Variants in DOCK2 observed in about 807,000 individuals in gnomAD.
DOCK2 encodes the protein dedicator of cytokinesis protein 2.
Under a neutral mutation model 248.9 loss-of-function variants are expected in DOCK2, and 87 were observed. That is an observed-to-expected ratio of 0.35 (90% CI 0.29 to 0.42). The LOEUF is 0.42. Among genes scored for constraint, DOCK2 ranks in the 10% least tolerant of loss-of-function variants. DOCK2 has a pLI of 1.00. For synonymous variants in DOCK2, 805 were observed against 821.6 expected (o/e 0.98, Z 0.35); for missense variants, 1,747 against 2,300.2 (o/e 0.76, Z 4.92).
intron 34 of DOCK2, among the ~76,000 whole-genome samples, chr5:170,028,825 A>T (rs1296013116): frequency 6.6e-6 from 1 of 151,236 alleles, no homozygotes; most frequent in East Asian, 1.9e-4. Context: ...GGCCACCATT[A>T]CTCTGCATTT....
intron 13 of DOCK2, chr5:169,702,080 C>A: frequency 2.6e-6 from 1 of 383,158 alleles, no homozygotes; most frequent in Non-Finnish European, 4.7e-6. Context: ...AGTGTCCCTA[C>A]TTCCCTTTTT....
intron 2 of DOCK2, among the ~76,000 whole-genome samples, chr5:169,661,478 TCTAATCATTTAGCAGAAAG>T (rs1404815935): frequency 6.6e-6 from 1 of 152,180 alleles, no homozygotes; most frequent in Non-Finnish European, 1.5e-5. Flanking sequence ...GCAGCTAAAA[TCTAATCATTTAGCAGAAAG>T]CTCAAATACA....
chr5:169,686,328 G>A (rs567000839), intron 8 of DOCK2, among the ~76,000 whole-genome samples: 140 of 152,338 alleles, frequency 9.2e-4, no homozygotes, highest in Middle Eastern at 3.4e-3. Context: ...TGGATGGCTG[G>A]ACCAGCTCTG....
Position 169,692,054 on chromosome 5 carries a change from C to T in DOCK2, c.843+2721C>T, listed in dbSNP as rs376564094. Among the ~76,000 whole-genome samples the T allele has an allele frequency of 7.0e-4, 106 of 152,062 alleles. 1 individual carries two copies. The highest frequency in any genetic ancestry group is 2.6e-3 in the African/African-American group (106 of 41,482). Reference sequence around the variant, plus strand: ...GTATTTTAGTATAGACGGGGTTTCACCATGTTGGCCAGGATGGTCTTGATC... The same window carrying T: ...GTATTTTAGTATAGACGGGGTTTCATCATGTTGGCCAGGATGGTCTTGATC... On this transcript the variant is annotated intron_variant, in intron 9 of 51. Coordinates refer to ENST00000520908, the MANE Select transcript of DOCK2 (RefSeq NM_004946.3).
At chr5:169,833,820 C>CAA (rs1260615349) in intron 26 of DOCK2, among the ~76,000 whole-genome samples, 1 of 152,214 alleles carries the variant, frequency 6.6e-6, no homozygotes, top group African/African-American at 2.4e-5. Flanking sequence ...AGGGATCAGA[C>CAA]AATTCTTATT....
At chr5:169,684,874 C>A (rs1034694011) in intron 8 of DOCK2, among the ~76,000 whole-genome samples, 18 of 152,186 alleles carry the variant, frequency 1.2e-4, no homozygotes, top group African/African-American at 3.9e-4. Context: ...GTGTCGAACT[C>A]TTGGCTTCGA....
At chr5:170,079,297 G>A in intron 49 of DOCK2, 151 bp downstream of exon 49, 1 of 1,100,754 alleles carries the variant, frequency 9.1e-7, no homozygotes, top group Non-Finnish European at 1.3e-6. Flanking sequence ...GAGGAGCTGA[G>A]AGGTGAAGTG....
chr5:170,049,160 G>C (rs573156113), intron 40 of DOCK2, among the ~76,000 whole-genome samples: 3 of 152,214 alleles, frequency 2.0e-5, no homozygotes, highest in Non-Finnish European at 4.4e-5. Context: ...TGTCGCCCAG[G>C]CTGGAGTGCA....
intron 2 of DOCK2, among the ~76,000 whole-genome samples, chr5:169,667,509 G>A (rs754810074): frequency 6.6e-6 from 1 of 152,216 alleles, no homozygotes; most frequent in African/African-American, 2.4e-5. Context: ...GTGAAAGACA[G>A]GTAATAATAA....
At chr5:169,819,358 C>T (rs182434307) in intron 26 of DOCK2, among the ~76,000 whole-genome samples, 1 of 152,246 alleles carries the variant, frequency 6.6e-6, no homozygotes, top group African/African-American at 2.4e-5. Context: ...GAGTGGCTCA[C>T]GCCTTTAATA....
intron 10 of DOCK2, among the ~76,000 whole-genome samples, chr5:169,696,609 A>G (rs189191901): frequency 1.3e-5 from 2 of 152,332 alleles, no homozygotes; most frequent in Admixed American, 6.5e-5. Flanking sequence ...TCCTGTGAAA[A>G]TGGCAATTTG....
At chr5:169,929,034 A>G (rs1775615493) in intron 27 of DOCK2, among the ~76,000 whole-genome samples, 1 of 152,192 alleles carries the variant, frequency 6.6e-6, no homozygotes, top group Admixed American at 6.5e-5. Context: ...CCCTGAGAAG[A>G]GCAGATGGAA....
At position 170,056,769 on chromosome 5, in the gene DOCK2, G is replaced by C; in HGVS notation, c.4380+1G>C. The C allele has an allele frequency of 6.2e-7, 1 of 1,613,324 alleles. No individual in the cohort carries two copies. Among genetic ancestry groups the C allele is most frequent in the Non-Finnish European group, 8.5e-7 (1 of 1,179,552 alleles). On this transcript the variant is annotated splice_donor_variant, in intron 43 of 51. Coordinates refer to ENST00000520908, the MANE Select transcript of DOCK2 (RefSeq NM_004946.3). LOFTEE classifies it high-confidence loss of function. Reference sequence around the variant, plus strand: ...CGTAGACCCAGAGAATGAGTTTGCTGTGAGTATCTTCCCTACCCTTGATCA... The same window carrying C: ...CGTAGACCCAGAGAATGAGTTTGCTCTGAGTATCTTCCCTACCCTTGATCA...
rs1763643759 is a variant in DOCK2 at position 169,746,889 on chromosome 5, G to A, written c.2268-507G>A. On this transcript the variant is annotated intron_variant, in intron 22 of 51. Transcript: ENST00000520908. Reference sequence around the variant, plus strand: ...GGGATTTTATAATCAGAGAAACAAAGGCTTAAGGTAATAAGTTAACTCCTG... The same window carrying A: ...GGGATTTTATAATCAGAGAAACAAAAGCTTAAGGTAATAAGTTAACTCCTG... Among the ~76,000 whole-genome samples, 3 of 152,140 alleles carry A rather than the reference G, an allele frequency of 2.0e-5. No individual in the cohort carries two copies. The South Asian group carries it at 6.2e-4, about 32-fold the overall frequency.
intron 50 of DOCK2, 123 bp downstream of exon 50, chr5:170,080,406 A>G: frequency 6.8e-7 from 1 of 1,467,762 alleles, no homozygotes. Flanking sequence ...CTGGAGTGAG[A>G]GGCTCTGCTC....
intron 30 of DOCK2, among the ~76,000 whole-genome samples, chr5:170,005,092 G>A (rs913920745): frequency 2.7e-5 from 4 of 150,596 alleles, no homozygotes; most frequent in Admixed American, 1.3e-4. Flanking sequence ...ATGAAGTACT[G>A]ATCCATACTA....
chr5:169,723,143 T>C (rs571192306), intron 22 of DOCK2, among the ~76,000 whole-genome samples: 1 of 152,154 alleles, frequency 6.6e-6, no homozygotes, highest in African/African-American at 2.4e-5. Context: ...CTTATTTGGG[T>C]CTTGCTTCCT....
At chr5:169,855,200 A>C (rs1334535130) in intron 27 of DOCK2, among the ~76,000 whole-genome samples, 1 of 152,254 alleles carries the variant, frequency 6.6e-6, no homozygotes, top group Non-Finnish European at 1.5e-5. Flanking sequence ...TAATGCAGGC[A>C]AAGCCTTTAG....
intron 28 of DOCK2, among the ~76,000 whole-genome samples, chr5:169,983,950 C>G (rs1778001503): frequency 6.6e-6 from 1 of 152,162 alleles, no homozygotes; most frequent in South Asian, 2.1e-4. Flanking sequence ...TGGAACTTTT[C>G]CCTCAACCTC....
Sources: gnomAD v4.1 joint callset for allele counts (sites outside exome capture counted in the v4.1 genomes callset) on GRCh38, gnomAD v4.1.1 for gene constraint, MANE v1.5 for transcripts, NCBI Gene and HGNC (gene_info 2026-07-23, HGNC 2026-07-21) for gene names.